Variants in GLIS3 observed in about 807,000 individuals in gnomAD.
The protein encoded by GLIS3 is zinc finger protein GLIS3.
In GLIS3, 53 loss-of-function variants were observed where a neutral mutation model predicts 78.6. The observed-to-expected ratio is 0.67, with a 90% CI of 0.54 to 0.85. GLIS3 has a LOEUF of 0.85. GLIS3 is among the 40% of genes least tolerant of loss of function. The probability of loss-of-function intolerance (pLI) is 0.00; values close to 1 mark genes in which losing one functional copy is unlikely to be tolerated. For missense variants in GLIS3, 1,703 were observed against 1,231.1 expected (o/e 1.38, Z -5.74); for synonymous variants, 684 against 509.9 (o/e 1.34, Z -4.60).
chr9:4,348,104 A>G (rs1403132292), intron 1 of GLIS3: 1 of 152,266 alleles, frequency 6.6e-6, no homozygotes, highest in Non-Finnish European at 1.5e-5. Context: ...ATCTTTGAAT[A>G]AGTATGTTAA....
At position 4,157,523 on chromosome 9, in the gene GLIS3, C is replaced by T. The variant is rs541803460; in HGVS notation, c.389-31582G>A. Among the ~76,000 whole-genome samples the T allele has an allele frequency of 8.5e-5, 13 of 152,152 alleles. No homozygotes were observed. In the East Asian group the frequency reaches 2.1e-3, roughly 25 times the overall value. On this transcript the variant is annotated intron_variant, in intron 2 of 10. Coordinates refer to ENST00000381971, the MANE Select transcript of GLIS3 (RefSeq NM_001042413.2). Reference sequence around the variant, plus strand: ...GATGCATATTTTTAGTACCAGGGAACGATCTATCATTCAATGAAAGAGCAT... The same window carrying T: ...GATGCATATTTTTAGTACCAGGGAATGATCTATCATTCAATGAAAGAGCAT...
At chr9:4,283,251 CTGTTTTTT>C (rs1314220946) in intron 2 of GLIS3, among the ~76,000 whole-genome samples, 2 of 134,278 alleles carry the variant, frequency 1.5e-5, no homozygotes, top group African/African-American at 5.9e-5. Context: ...CCTTACTGTG[CTGTTTTTT>C]TGTTTTTTTG....
chr9:4,094,102 T>A (rs1446696376), intron 4 of GLIS3, among the ~76,000 whole-genome samples: 1 of 152,128 alleles, frequency 6.6e-6, no homozygotes, highest in Non-Finnish European at 1.5e-5. Context: ...TTTAAGCACG[T>A]GAAAATCTCA....
intron 4 of GLIS3, among the ~76,000 whole-genome samples, chr9:4,015,193 C>G (rs543776996): frequency 6.6e-6 from 1 of 152,246 alleles, no homozygotes; most frequent in East Asian, 1.9e-4. Context: ...ATTAGCTGAC[C>G]ATGGCATGGA....
chr9:3,849,411 G>T (rs922933124), intron 9 of GLIS3, among the ~76,000 whole-genome samples: 2 of 152,180 alleles, frequency 1.3e-5, no homozygotes, highest in African/African-American at 4.8e-5. Flanking sequence ...TTGTGACTAA[G>T]AGTACGCTTG....
At chr9:4,218,486 G>C (rs1821049914) in intron 2 of GLIS3, among the ~76,000 whole-genome samples, 1 of 152,170 alleles carries the variant, frequency 6.6e-6, no homozygotes, top group Non-Finnish European at 1.5e-5. Context: ...CACTGTGTTA[G>C]CCAGGATGGT....
chr9:4,419,138 TC>T, the GLIS3 span, among the ~76,000 whole-genome samples: 1 of 152,222 alleles, frequency 6.6e-6, no homozygotes, highest in South Asian at 2.1e-4. Flanking sequence ...CTTTCTGACG[TC>T]AAATATGAGA....
At chr9:4,372,558 A>T in the GLIS3 span, among the ~76,000 whole-genome samples, 9 of 124,440 alleles carry the variant, frequency 7.2e-5, no homozygotes, top group African/African-American at 2.6e-4. Flanking sequence ...CTCCAATAAA[A>T]AAAAAAAAAA....
At chr9:4,081,670 G>A (rs374702984) in intron 4 of GLIS3, among the ~76,000 whole-genome samples, 6 of 152,176 alleles carry the variant, frequency 3.9e-5, no homozygotes, top group Non-Finnish European at 8.8e-5. Context: ...CCAGCCTATC[G>A]TGACTAATAC....
chr9:3,946,072 G>C (rs1028521452), intron 4 of GLIS3, among the ~76,000 whole-genome samples: 1 of 152,140 alleles, frequency 6.6e-6, no homozygotes, highest in Non-Finnish European at 1.5e-5. Flanking sequence ...TGACCCTTTA[G>C]CTTGGTGCCA....
intron 2 of GLIS3, among the ~76,000 whole-genome samples, chr9:4,314,767 G>A (rs1587380978): frequency 6.6e-6 from 1 of 152,188 alleles, no homozygotes; most frequent in Admixed American, 6.5e-5. Context: ...TTAGCTCTGG[G>A]ATTTTGGGCA....
intron 8 of GLIS3, chr9:3,875,539 C>T (rs752914424): frequency 3.9e-5 from 6 of 152,236 alleles, no homozygotes; most frequent in Admixed American, 6.5e-5. Context: ...AACCTATTTC[C>T]GTTAAGAAAA....
At chr9:4,180,928 C>G (rs953468895) in intron 2 of GLIS3, among the ~76,000 whole-genome samples, 4 of 152,200 alleles carry the variant, frequency 2.6e-5, no homozygotes, top group Middle Eastern at 3.2e-3. Context: ...TCCATGACTG[C>G]CACCATCTCC....
chr9:4,383,631 A>T, the GLIS3 span, among the ~76,000 whole-genome samples: 1 of 152,186 alleles, frequency 6.6e-6, no homozygotes, highest in Non-Finnish European at 1.5e-5. Flanking sequence ...AAATCTATTA[A>T]GATGGTTAAA....
intron 4 of GLIS3, among the ~76,000 whole-genome samples, chr9:4,031,945 A>G (rs560359517): frequency 6.6e-6 from 1 of 152,356 alleles, no homozygotes; most frequent in East Asian, 1.9e-4. Flanking sequence ...GCTAGCCAGG[A>G]AAGACCTAGC....
At chr9:4,287,091 C>G (rs933500883) in intron 1 of GLIS3, among the ~76,000 whole-genome samples, 3 of 152,210 alleles carry the variant, frequency 2.0e-5, no homozygotes, top group African/African-American at 4.8e-5. Flanking sequence ...TATATATCCA[C>G]ATATTCATAT....
At chr9:4,301,300 T>C (rs1181945371), upstream of GLIS3, among the ~76,000 whole-genome samples, 3 of 152,184 alleles carry the variant, frequency 2.0e-5, no homozygotes, top group African/African-American at 7.2e-5. Context: ...AGTTTTCCAG[T>C]TTCTCTCTGT....
chr9:4,291,906 T>A (rs1317143983), intron 1 of GLIS3, among the ~76,000 whole-genome samples: 1 of 152,146 alleles, frequency 6.6e-6, no homozygotes, highest in Non-Finnish European at 1.5e-5. Flanking sequence ...ATTAGAAGTG[T>A]TTCATTTACT....
chr9:4,422,767 G>T, the GLIS3 span, among the ~76,000 whole-genome samples: 1 of 152,326 alleles, frequency 6.6e-6, no homozygotes, highest in Admixed American at 6.5e-5. Context: ...GAGTGCTGGG[G>T]GCGGGGCAGC....
Sources: allele counts gnomAD v4.1 joint callset (sites outside exome capture counted in the v4.1 genomes callset), GRCh38; gene constraint gnomAD v4.1.1; transcripts MANE v1.5; gene names NCBI Gene and HGNC (gene_info 2026-07-23, HGNC 2026-07-21).